The following EGFL6 variants were observed in gnomAD, a reference collection of about 807,000 sequenced individuals.
EGFL6 encodes epidermal growth factor-like protein 6.
In EGFL6, 42 loss-of-function variants were observed where a neutral mutation model predicts 43.1. That is an observed-to-expected ratio of 0.98 (90% CI 0.76 to 1.26). The LOEUF (loss-of-function observed/expected upper bound fraction) is 1.26, where lower values mean the gene tolerates loss of function less well. Among genes scored for constraint, EGFL6 ranks in the 50% most tolerant of loss-of-function variants. EGFL6 has a pLI of 0.00. For synonymous variants in EGFL6, 164 were observed against 163.2 expected (o/e 1.01, Z -0.04); for missense variants, 429 against 427.8 (o/e 1.00, Z -0.02).
intron 4 of EGFL6, among the ~76,000 whole-genome samples, chrX:13,602,867 T>C (rs1330964404): frequency 8.9e-6 from 1 of 112,002 alleles, no homozygotes; most frequent in Non-Finnish European, 1.9e-5. Context: ...ATATCGAGTC[T>C]TGTGACTTAA....
At chrX:13,595,007 T>C in intron 3 of EGFL6, 79 bp downstream of exon 3, 2 of 720,924 alleles carry the variant, frequency 2.8e-6, no homozygotes, top group East Asian at 3.6e-5. Flanking sequence ...TACGCAGGAT[T>C]TCTTAGGGTT....
intron 11 of EGFL6, among the ~76,000 whole-genome samples, chrX:13,627,705 C>T (rs2045789188): frequency 9.0e-6 from 1 of 111,633 alleles, no homozygotes; most frequent in Non-Finnish European, 1.9e-5. Context: ...CCAGGACCAC[C>T]CTTAGGTTCA....
At chrX:13,593,294 C>T (rs1287265226) in intron 2 of EGFL6, among the ~76,000 whole-genome samples, 1 of 111,476 alleles carries the variant, frequency 9.0e-6, no homozygotes. Flanking sequence ...GACCTCTGTG[C>T]AAGGCGTGGC....
chrX:13,600,160 TG>T, intron 4 of EGFL6, 66 bp downstream of exon 4: 1 of 1,111,754 alleles, frequency 9.0e-7, no homozygotes, highest in East Asian at 3.2e-5. Flanking sequence ...ATTTGATGCT[TG>T]GGGAAAAGCT....
chrX:13,631,992 T>C (rs1339150008), intron 11 of EGFL6, among the ~76,000 whole-genome samples: 4 of 111,397 alleles, frequency 3.6e-5, no homozygotes, highest in Admixed American at 9.6e-5. Flanking sequence ...CTCTGTTCTC[T>C]CTATATAGAA....
intron 6 of EGFL6, among the ~76,000 whole-genome samples, chrX:13,608,105 G>C (rs373244834): frequency 8.9e-6 from 1 of 111,862 alleles, no homozygotes; most frequent in Non-Finnish European, 1.9e-5. Context: ...AAATTGCTGT[G>C]GGGGAGGGAA....
chrX:13,577,966 T>G (rs2045483370), intron 1 of EGFL6, among the ~76,000 whole-genome samples: 3 of 110,942 alleles, frequency 2.7e-5, no homozygotes, highest in Non-Finnish European at 5.6e-5. Flanking sequence ...ACAGAATTAT[T>G]AAGGTAATGA....
chrX:13,603,834 T>G (rs1396625412), intron 5 of EGFL6, among the ~76,000 whole-genome samples: 1 of 112,112 alleles, frequency 8.9e-6, no homozygotes, highest in Non-Finnish European at 1.9e-5. Flanking sequence ...ATTTACTTAT[T>G]TTTTAGATAT....
intron 2 of EGFL6, 128 bp downstream of exon 2, chrX:13,589,796 C>A: frequency 2.1e-6 from 1 of 471,930 alleles, no homozygotes; most frequent in Non-Finnish European, 3.4e-6. Context: ...TACCAATAAC[C>A]AAGGTCTGGG....
At chrX:13,605,606 A>G (rs2045656141) in intron 5 of EGFL6, among the ~76,000 whole-genome samples, 1 of 109,510 alleles carries the variant, frequency 9.1e-6, no homozygotes, top group African/African-American at 3.3e-5. Context: ...AAAGATTGCA[A>G]GGGAAATAGT....
At position 13,594,849 on chromosome X, in the gene EGFL6, T is replaced by C. The variant is rs770641303; in HGVS notation, c.201T>C (p.Pro67=). 1 of 1,209,980 alleles carries C rather than the reference T, an allele frequency of 8.3e-7. No individual in the cohort carries two copies. The highest frequency in any genetic ancestry group is 3.0e-5 in the East Asian group (1 of 33,834). The part of the protein sequence containing the change: ...SKGVCEATCE[P]GCKFGECVGP... ...TTCCTTCCACAGCTACATGCGAACC[T>C]GGATGTAAGTTTGGTGAGTGCGTGG... The change falls in exon 3 of 12, where the codon CCT becomes CCC. Residue 67 remains proline (P), a synonymous_variant. Transcript: ENST00000361306.
chrX:13,569,679 G>C lies in EGFL6; in HGVS notation c.-183G>C. ...CGCCCCCAGCCCCTCCCCAGGCCGC[G>C]AGCGCCCCTGCCGCGGTGCCTGGCC... On this transcript the variant is annotated 5_prime_UTR_variant, in exon 1 of 12. Transcript: ENST00000361306. The C allele has an allele frequency of 2.7e-6, 1 of 371,369 alleles. No homozygotes were observed. 30.6% of individuals were successfully genotyped at this position (371,369 alleles called of 1,213,427 possible).
intron 9 of EGFL6, among the ~76,000 whole-genome samples, chrX:13,623,336 A>ATT (rs1459612059): frequency 1.3e-4 from 11 of 83,091 alleles, no homozygotes; most frequent in African/African-American, 5.0e-4. Flanking sequence ...CCCATTACTA[A>ATT]TTTTTTTTTT....
Position 13,605,184 on chromosome X carries a change from A to C in EGFL6, c.521-1195A>C, listed in dbSNP as rs1301964680. 8.1e-5 allele frequency among the ~76,000 whole-genome samples: 9 copies of C among 111,712 alleles called. No individual in the cohort carries two copies. In the East Asian group the frequency reaches 1.9e-3, roughly 24 times the overall value. On this transcript the variant is annotated intron_variant, in intron 5 of 11. Coordinates refer to ENST00000361306, the MANE Select transcript of EGFL6 (RefSeq NM_015507.4). The stretch of plus-strand genomic sequence containing the variant: ...TGATGTGCATGAAAATGATCACCAA[A>C]AATAATTTTGTTCAACCCAACACTT...
intron 11 of EGFL6, among the ~76,000 whole-genome samples, chrX:13,631,478 A>C (rs893223611): frequency 1.3e-4 from 15 of 111,821 alleles, no homozygotes; most frequent in Non-Finnish European, 2.4e-4. Flanking sequence ...TTAAATTACA[A>C]TATTGAAGAA....
chrX:13,590,042 T>TAATC (rs1469944264), intron 2 of EGFL6, among the ~76,000 whole-genome samples: 1 of 112,876 alleles, frequency 8.9e-6, no homozygotes, highest in Admixed American at 9.4e-5. Context: ...CTTTAATTAT[T>TAATC]AATCACCCAA....
intron 7 of EGFL6, among the ~76,000 whole-genome samples, chrX:13,611,618 C>T (rs1270272523): frequency 3.6e-5 from 4 of 112,388 alleles, no homozygotes. Context: ...TGTTTGCAGC[C>T]TGTGTTTTCT....
chrX:13,618,163 G>T, intron 8 of EGFL6, 110 bp downstream of exon 8: 2 of 764,786 alleles, frequency 2.6e-6, no homozygotes, highest in South Asian at 5.9e-5. Context: ...AATGGGTTGG[G>T]TCTTAAGTCC....
In EGFL6 at chrX:13,598,234, G is replaced by C. The variant is rs190177625; in HGVS notation, c.281-1741G>C. Among the ~76,000 whole-genome samples, 707 of 112,335 alleles carry C rather than the reference G, an allele frequency of 6.3e-3. 3 individuals carry two copies. The highest frequency in any genetic ancestry group is 0.021 in the African/African-American group (657 of 30,898). ...CATTTGAAGAGGTTAGGTTCTATGA[G>C]GGAGATGGTAGGGTAAAGGGGATAG... On this transcript the variant is annotated intron_variant, in intron 3 of 11. Transcript: ENST00000361306.
Sources: gnomAD v4.1 joint callset for allele counts (sites outside exome capture counted in the v4.1 genomes callset) on GRCh38, gnomAD v4.1.1 for gene constraint, MANE v1.5 for transcripts, NCBI Gene and HGNC (gene_info 2026-07-23, HGNC 2026-07-21) for gene names.